Variants in SEM1 observed in about 807,000 individuals in gnomAD.
SEM1 encodes the protein SEM1 26S proteasome subunit.
SEM1 carries 3 observed loss-of-function variants against 12.7 expected under a neutral mutation model. The observed-to-expected ratio is 0.24, with a 90% CI of 0.11 to 0.61. The LOEUF is 0.61. Among genes scored for constraint, SEM1 ranks in the 20% least tolerant of loss-of-function variants. The pLI, the probability that SEM1 is intolerant of heterozygous loss-of-function variation, is 0.88. For missense variants in SEM1, 59 were observed against 81.3 expected (o/e 0.73, Z 1.06); for synonymous variants, 30 against 27.8 (o/e 1.08, Z -0.25).
intron 2 of SEM1, among the ~76,000 whole-genome samples, chr7:96,557,912 C>G (rs935271705): frequency 1.3e-5 from 2 of 152,176 alleles, no homozygotes; most frequent in East Asian, 1.9e-4. Flanking sequence ...TTTTTAAGGC[C>G]GTTGGAAAAG....
intron 2 of SEM1, among the ~76,000 whole-genome samples, chr7:96,606,745 G>A (rs1807392229): frequency 6.6e-6 from 1 of 152,050 alleles, no homozygotes; most frequent in Non-Finnish European, 1.5e-5. Context: ...TTCTCTCCTG[G>A]TTCTGATCTG....
rs777918241 is a variant in SEM1 at position 96,579,786 on chromosome 7, C to T, written c.171-73088G>A. Among the ~76,000 whole-genome samples the T allele has an allele frequency of 2.0e-5, 3 of 151,826 alleles. No individual in the cohort carries two copies. The South Asian group carries it at 6.2e-4, about 32-fold the overall frequency. Reference sequence around the variant, plus strand: ...TTAAATAAATTAGAACTATATACACCCTTTATACCAATATGATTTTGATAT... The same window carrying T: ...TTAAATAAATTAGAACTATATACACTCTTTATACCAATATGATTTTGATAT... On this transcript the variant is annotated intron_variant and NMD_transcript_variant, in intron 2 of 3. Transcript: ENST00000466986.
intron 1 of SEM1, among the ~76,000 whole-genome samples, chr7:96,494,121 C>T (rs577920156): frequency 6.6e-6 from 1 of 152,150 alleles, no homozygotes; most frequent in African/African-American, 2.4e-5. Context: ...AGGAAGAAAT[C>T]TCTCGTAGTG....
intron 2 of SEM1, among the ~76,000 whole-genome samples, chr7:96,659,483 G>GAGAT (rs1481569321): frequency 1.3e-5 from 2 of 152,166 alleles, no homozygotes; most frequent in Non-Finnish European, 2.9e-5. Context: ...ACTTCCAGAG[G>GAGAT]AGATAGAGAA....
At chr7:96,488,068 C>T (rs913219185) in intron 1 of SEM1, among the ~76,000 whole-genome samples, 2 of 140,206 alleles carry the variant, frequency 1.4e-5, no homozygotes, top group Admixed American at 1.3e-4. Flanking sequence ...AGGGTAACCT[C>T]AGCTAATTAA....
At chr7:96,608,917 A>C (rs1164599098) in intron 2 of SEM1, among the ~76,000 whole-genome samples, 1 of 152,156 alleles carries the variant, frequency 6.6e-6, no homozygotes, top group Non-Finnish European at 1.5e-5. Context: ...AAATGTTTTC[A>C]TTTATCTTGG....
intron 2 of SEM1, among the ~76,000 whole-genome samples, chr7:96,552,505 A>T (rs1805317066): frequency 6.7e-6 from 1 of 150,206 alleles, no homozygotes. Flanking sequence ...CCATGTCCCT[A>T]CAAAGGATAT....
chr7:96,701,798 G>C (rs1322555827), intron 1 of SEM1, among the ~76,000 whole-genome samples: 1 of 152,110 alleles, frequency 6.6e-6, no homozygotes, highest in Non-Finnish European at 1.5e-5. Flanking sequence ...GCAAGCTTAT[G>C]AGGGAAAAGG....
intron 2 of SEM1, among the ~76,000 whole-genome samples, chr7:96,519,406 C>A (rs1185680370): frequency 6.6e-6 from 1 of 151,962 alleles, no homozygotes; most frequent in East Asian, 1.9e-4. Context: ...GCAGACAGAC[C>A]AGATGAGTAA....
chr7:96,656,753 G>C (rs988090406), intron 2 of SEM1, among the ~76,000 whole-genome samples: 1 of 151,912 alleles, frequency 6.6e-6, no homozygotes, highest in Admixed American at 6.6e-5. Flanking sequence ...TGAGAATGAA[G>C]AAGAATGCCA....
chr7:96,643,087 T>C (rs1808665552), intron 2 of SEM1, among the ~76,000 whole-genome samples: 1 of 152,100 alleles, frequency 6.6e-6, no homozygotes, highest in South Asian at 2.1e-4. Flanking sequence ...TTTTTCCTGA[T>C]ACTCTCTCTC....
intron 2 of SEM1, among the ~76,000 whole-genome samples, chr7:96,507,296 T>C (rs1803784148): frequency 6.6e-6 from 1 of 152,116 alleles, no homozygotes; most frequent in South Asian, 2.1e-4. Context: ...TTTGCGGCAG[T>C]ATTCAGGTCA....
At chr7:96,585,735 TGCTG>T (rs1374987480) in intron 2 of SEM1, among the ~76,000 whole-genome samples, 5 of 135,460 alleles carry the variant, frequency 3.7e-5, no homozygotes, top group African/African-American at 1.4e-4. Flanking sequence ...ATTTTCCAGG[TGCTG>T]TCTGTCACCC....
chr7:96,552,435 G>A (rs1254441154), intron 2 of SEM1, among the ~76,000 whole-genome samples: 1 of 151,048 alleles, frequency 6.6e-6, no homozygotes, highest in Non-Finnish European at 1.5e-5. Flanking sequence ...GTGAGAATAT[G>A]CGGTGTTTGG....
At chr7:96,499,387 G>A (rs1036044769), upstream of SEM1, among the ~76,000 whole-genome samples, 6 of 151,840 alleles carry the variant, frequency 4.0e-5, no homozygotes, top group South Asian at 2.1e-4. Context: ...GATTCTTGCC[G>A]TAATACTCCA....
At chr7:96,484,810 T>A (rs1172868741) in intron 3 of SEM1, 2 of 1,280,704 alleles carry the variant, frequency 1.6e-6, no homozygotes, top group Admixed American at 4.6e-5. Context: ...TCCATTTATA[T>A]CTTTGTTCCA....
intron 2 of SEM1, among the ~76,000 whole-genome samples, chr7:96,611,871 G>A (rs1241690695): frequency 1.3e-5 from 2 of 152,038 alleles, no homozygotes; most frequent in Non-Finnish European, 2.9e-5. Context: ...GGGTCCCTAA[G>A]CTGATCGGAT....
At chr7:96,486,503 G>T in intron 1 of SEM1, 2 of 1,065,488 alleles carry the variant, frequency 1.9e-6, no homozygotes, top group South Asian at 1.4e-5. Flanking sequence ...CTGGCCCTGT[G>T]TCTTCTCATT....
chr7:96,702,945 GT>G (rs1790315589), intron 1 of SEM1, among the ~76,000 whole-genome samples: 1 of 152,156 alleles, frequency 6.6e-6, no homozygotes, highest in African/African-American at 2.4e-5. Flanking sequence ...AATCATTAAA[GT>G]TAAAGACAAA....
Sources: allele counts gnomAD v4.1 joint callset (sites outside exome capture counted in the v4.1 genomes callset), GRCh38; gene constraint gnomAD v4.1.1; transcripts MANE v1.5; gene names NCBI Gene and HGNC (gene_info 2026-07-23, HGNC 2026-07-21).